SYNPO2: variants seen among roughly 807,000 people sequenced by gnomAD.
The protein encoded by SYNPO2 is synaptopodin-2.
Under a neutral mutation model 85.0 loss-of-function variants are expected in SYNPO2, and 56 were observed. That is an observed-to-expected ratio of 0.66 (90% CI 0.53 to 0.82). The LOEUF (loss-of-function observed/expected upper bound fraction) is 0.82. Ranked by LOEUF, SYNPO2 falls within the 40% of genes least tolerant of loss-of-function variation. The pLI is 0.00. For missense variants in SYNPO2, 1,575 were observed against 1,534.2 expected (o/e 1.03, Z -0.44); for synonymous variants, 602 against 591.1 (o/e 1.02, Z -0.27).
chr4:118,874,619 G>C lies in SYNPO2; in HGVS notation c.12+23679G>C, dbSNP rs537525298. Among the ~76,000 whole-genome samples, 22 of 152,238 alleles carry C rather than the reference G, an allele frequency of 1.4e-4. No individual in the cohort carries two copies. The East Asian group carries it at 3.1e-3, about 21-fold the overall frequency. ...TTTCCCTGCTGTGGACCTCCTTGCT[G>C]TAAGTAAACTGGGAAAGAGTAGATA... On this transcript the variant is annotated intron_variant, in intron 1 of 4. Coordinates refer to the SYNPO2 transcript ENST00000610556.
chr4:118,967,295 G>A (rs773793172), intron 1 of SYNPO2, among the ~76,000 whole-genome samples: 2 of 152,114 alleles, frequency 1.3e-5, no homozygotes, highest in Admixed American at 6.5e-5. Context: ...GAGGAACCAC[G>A]TAAATATGAT....
rs1450112019 is a variant in SYNPO2, at chr4:119,030,468, C to T, written c.1693C>T (p.Pro565Ser). Reference sequence around the variant, plus strand: ...GGTGAGTCATGGTCTTGGCCATGTTCCCCAACAGAATGGCTTCAGTGGGAC... The same window carrying T: ...GGTGAGTCATGGTCTTGGCCATGTTTCCCAACAGAATGGCTTCAGTGGGAC... ...IEVSHGLGHV[P>S]QQNGFSGTSE... Residue 565 changes from proline (P) to serine (S), a missense_variant, in exon 4 of 5, where the codon CCC (proline) becomes TCC (serine). Pro to Ser is a moderately conservative substitution (Grantham distance 74, BLOSUM62 -1). Around this residue, in one of 3 missense-constraint regions of SYNPO2, gnomAD observed 1,508 missense variants for 1,446.8 expected, o/e 1.04. Coordinates refer to ENST00000307142, the MANE Select transcript of SYNPO2 (RefSeq NM_133477.3). 7 of 1,613,938 alleles carry T rather than the reference C, an allele frequency of 4.3e-6. No homozygotes were observed. The highest frequency in any genetic ancestry group is 5.9e-6 in the Non-Finnish European group (7 of 1,179,964).
intron 1 of SYNPO2, among the ~76,000 whole-genome samples, chr4:118,955,332 GC>G (rs1215275844): frequency 6.6e-6 from 1 of 152,054 alleles, no homozygotes; most frequent in Non-Finnish European, 1.5e-5. Flanking sequence ...ACTGCTTCTA[GC>G]CTCAGAGAAA....
intron 1 of SYNPO2, among the ~76,000 whole-genome samples, chr4:119,020,669 C>A (rs75078919): frequency 0.026 from 3,908 of 152,092 alleles, 154 homozygotes; most frequent in African/African-American, 0.087. Flanking sequence ...CTGTTCGAAT[C>A]CTGGTATATC....
chr4:118,900,702 T>C (rs1732711247), intron 1 of SYNPO2, among the ~76,000 whole-genome samples: 1 of 29,360 alleles, frequency 3.4e-5, no homozygotes, highest in Admixed American at 3.7e-4. Flanking sequence ...TCTCTCTCTC[T>C]CTATATATAT....
intron 3 of SYNPO2, 133 bp downstream of exon 3, chr4:119,027,571 C>T: frequency 3.5e-6 from 3 of 865,670 alleles, no homozygotes; most frequent in South Asian, 5.0e-5. Flanking sequence ...AATTAATGCA[C>T]AAAATCACAA....
intron 1 of SYNPO2, among the ~76,000 whole-genome samples, chr4:118,908,516 T>TA (rs1217044256): frequency 6.6e-6 from 1 of 152,166 alleles, no homozygotes; most frequent in Non-Finnish European, 1.5e-5. Context: ...CGTTTCAGGA[T>TA]AAAAAACATT....
chr4:118,924,737 A>G (rs1733657154), intron 1 of SYNPO2, among the ~76,000 whole-genome samples: 1 of 152,174 alleles, frequency 6.6e-6, no homozygotes, highest in Non-Finnish European at 1.5e-5. Flanking sequence ...TGACCAGGCA[A>G]AGCTCAGTAT....
chr4:118,900,703 CTATATATATATATATA>C lies in SYNPO2; in HGVS notation c.105+11576_105+11591del, dbSNP rs373144800. 1.1e-4 allele frequency among the ~76,000 whole-genome samples: 5 copies of C among 43,898 alleles called. 1 individual carries two copies. Among genetic ancestry groups the C allele is most frequent in the East Asian group, 1.5e-3 (2 of 1,310 alleles). 28.8% of individuals were successfully genotyped at this position (43,898 alleles called of 152,430 possible). On this transcript the variant is annotated intron_variant, in intron 1 of 4. Coordinates refer to ENST00000307142, the MANE Select transcript of SYNPO2 (RefSeq NM_133477.3). ...TCTCTCTCTCTCTCTCTCTCTCTCTCTATATATATATATATATATATATATATATGTCTGTCTGTCT... is the reference window on the plus strand; with the variant it reads ...TCTCTCTCTCTCTCTCTCTCTCTCTCTATATATATATATGTCTGTCTGTCT...
chr4:118,853,272 T>C (rs1181310952), intron 1 of SYNPO2, among the ~76,000 whole-genome samples: 1 of 152,220 alleles, frequency 6.6e-6, no homozygotes, highest in African/African-American at 2.4e-5. Context: ...ATTGAATTTA[T>C]TTCCATTGTG....
At chr4:118,996,241 T>G (rs1736590241) in intron 1 of SYNPO2, among the ~76,000 whole-genome samples, 2 of 152,178 alleles carry the variant, frequency 1.3e-5, no homozygotes, top group South Asian at 4.1e-4. Context: ...CTCCTCCCCT[T>G]TCTGGTTGCA....
intron 1 of SYNPO2, among the ~76,000 whole-genome samples, chr4:118,856,624 C>T (rs904812785): frequency 3.9e-5 from 6 of 151,994 alleles, no homozygotes; most frequent in Admixed American, 1.3e-4. Flanking sequence ...AGTCATCCTT[C>T]CACCTCTGCC....
intron 1 of SYNPO2, among the ~76,000 whole-genome samples, chr4:118,977,093 A>G (rs1314624197): frequency 2.0e-5 from 3 of 152,176 alleles, no homozygotes; most frequent in African/African-American, 7.2e-5. Flanking sequence ...GGCGCCGTGG[A>G]GCAGGGGGTG....
chr4:119,009,809 AT>A (rs903833493), intron 1 of SYNPO2, among the ~76,000 whole-genome samples: 1 of 152,226 alleles, frequency 6.6e-6, no homozygotes, highest in Non-Finnish European at 1.5e-5. Flanking sequence ...TTAATGGTTT[AT>A]GAGCTTTTAG....
At chr4:118,850,770 C>T (rs1731408726) in exon 1 of SYNPO2, 2 of 398,584 alleles carry the variant, frequency 5.0e-6, no homozygotes, top group Non-Finnish European at 8.8e-6. Context: ...TTCGGCAACT[C>T]GGAAGCGAAG....
chr4:118,963,991 C>G (rs866354119), intron 1 of SYNPO2, among the ~76,000 whole-genome samples: 1 of 152,182 alleles, frequency 6.6e-6, no homozygotes. Flanking sequence ...ATGGCTCTCA[C>G]TGAGATGGGA....
intron 4 of SYNPO2, chr4:119,036,397 T>C (rs560713003): frequency 1.7e-5 from 17 of 985,300 alleles, no homozygotes; most frequent in Middle Eastern, 5.2e-4. Flanking sequence ...CCACATATCA[T>C]TGGACTCTGG....
At chr4:119,007,736 C>T (rs116124420) in intron 1 of SYNPO2, among the ~76,000 whole-genome samples, 2,817 of 152,156 alleles carry the variant, frequency 0.019, 78 homozygotes, top group African/African-American at 0.065. Flanking sequence ...ACATCCTTTC[C>T]TATTTTAATA....
intron 1 of SYNPO2, among the ~76,000 whole-genome samples, chr4:119,009,038 T>G (rs994970530): frequency 2.0e-5 from 3 of 152,174 alleles, no homozygotes; most frequent in African/African-American, 4.8e-5. Flanking sequence ...CATGTTAAAT[T>G]TTGTGATCAG....
Sources: allele counts gnomAD v4.1 joint callset (sites outside exome capture counted in the v4.1 genomes callset), GRCh38; gene constraint gnomAD v4.1.1; regional missense constraint gnomAD v4.1.1; transcripts MANE v1.5; gene names NCBI Gene and HGNC (gene_info 2026-07-23, HGNC 2026-07-21).